ADAM19: variants seen among roughly 807,000 people sequenced by gnomAD.
The protein encoded by ADAM19 is disintegrin and metalloproteinase domain-containing protein 19.
Under a neutral mutation model 114.7 loss-of-function variants are expected in ADAM19, and 65 were observed. The ratio of observed to expected loss-of-function variants is 0.57; its 90% CI spans 0.46 to 0.70. The LOEUF is 0.70. Among genes scored for constraint, ADAM19 ranks in the 30% least tolerant of loss-of-function variants. ADAM19 has a pLI of 0.00. For missense variants in ADAM19, 1,063 were observed against 1,204.7 expected (o/e 0.88, Z 1.74); for synonymous variants, 466 against 460.5 (o/e 1.01, Z -0.15).
intron 1 of ADAM19, 93 bp from the exon 2 acceptor site, chr5:157,571,073 G>A: frequency 9.6e-7 from 1 of 1,042,514 alleles, no homozygotes; most frequent in South Asian, 1.5e-5. Context: ...CCCTGCACTG[G>A]GTCATTAGAA....
At chr5:157,488,532 C>T in intron 20 of ADAM19, 43 bp from the exon 21 acceptor site, 1 of 1,469,730 alleles carries the variant, frequency 6.8e-7, no homozygotes, top group Non-Finnish European at 9.2e-7. Context: ...AGAAATCACT[C>T]AGGGCTGGCC....
intron 3 of ADAM19, among the ~76,000 whole-genome samples, chr5:157,552,891 G>A (rs559454034): frequency 6.6e-6 from 1 of 152,188 alleles, no homozygotes; most frequent in African/African-American, 2.4e-5. Context: ...CAACAACATG[G>A]ATGGAACTGG....
intron 4 of ADAM19, 55 bp from the exon 5 acceptor site, chr5:157,530,938 G>A (rs1427449950): frequency 1.4e-6 from 2 of 1,454,150 alleles, no homozygotes; most frequent in Non-Finnish European, 1.9e-6. Context: ...GCATGGCAAT[G>A]TTAATATCTC....
At chr5:157,485,736 C>T (rs776278922) in intron 21 of ADAM19, among the ~76,000 whole-genome samples, 1 of 152,212 alleles carries the variant, frequency 6.6e-6, no homozygotes, top group African/African-American at 2.4e-5. Flanking sequence ...GCTCCTTCAT[C>T]ACTTGCCCTC....
chr5:157,538,047 A>G, intron 3 of ADAM19, 56 bp from the exon 4 acceptor site: 3 of 1,395,648 alleles, frequency 2.1e-6, no homozygotes, highest in Non-Finnish European at 3.0e-6. Flanking sequence ...CCACCCTCCT[A>G]GCAACAACGA....
intron 1 of ADAM19, 100 bp downstream of exon 1, chr5:157,575,503 G>A (rs1014822783): frequency 1.1e-6 from 1 of 871,992 alleles, no homozygotes; most frequent in Non-Finnish European, 1.6e-6. Context: ...GCGGAGTTGC[G>A]GGAGGCGCAG....
At chr5:157,528,514 G>A (rs1004702651) in intron 5 of ADAM19, among the ~76,000 whole-genome samples, 5 of 152,312 alleles carry the variant, frequency 3.3e-5, no homozygotes, top group South Asian at 2.1e-4. Context: ...ATACCACTGC[G>A]AGGCCAGTTA....
chr5:157,532,299 G>A (rs1756647984), intron 4 of ADAM19, among the ~76,000 whole-genome samples: 1 of 152,228 alleles, frequency 6.6e-6, no homozygotes, highest in African/African-American at 2.4e-5. Context: ...TCTTGTGAGA[G>A]GCAGTCATTA....
At chr5:157,506,106 C>G (rs1755733581) in intron 10 of ADAM19, among the ~76,000 whole-genome samples, 1 of 152,166 alleles carries the variant, frequency 6.6e-6, no homozygotes, top group South Asian at 2.1e-4. Flanking sequence ...GAAGATTTTT[C>G]CCCATTCTTC....
chr5:157,553,691 T>C (rs971805883), intron 3 of ADAM19, among the ~76,000 whole-genome samples: 1 of 152,216 alleles, frequency 6.6e-6, no homozygotes, highest in Admixed American at 6.5e-5. Flanking sequence ...ACAATCCTAT[T>C]GCTAGGATTA....
At chr5:157,500,300 C>A (rs1755520352) in intron 12 of ADAM19, among the ~76,000 whole-genome samples, 1 of 152,160 alleles carries the variant, frequency 6.6e-6, no homozygotes, top group Non-Finnish European at 1.5e-5. Flanking sequence ...CCATGCCCCG[C>A]TAGGACACAG....
chr5:157,568,453 A>G (rs1276291189), intron 2 of ADAM19: 1 of 152,216 alleles, frequency 6.6e-6, no homozygotes, highest in Non-Finnish European at 1.5e-5. Flanking sequence ...TCTACTGATG[A>G]GCTTTTCTGA....
At chr5:157,508,095 T>C (rs999390827) in intron 9 of ADAM19, among the ~76,000 whole-genome samples, 4 of 152,252 alleles carry the variant, frequency 2.6e-5, no homozygotes, top group Non-Finnish European at 5.9e-5. Context: ...CAAAGAAATA[T>C]GCAAAATCTA....
At chr5:157,532,750 C>A (rs771725962) in intron 4 of ADAM19, among the ~76,000 whole-genome samples, 1 of 152,158 alleles carries the variant, frequency 6.6e-6, no homozygotes, top group Non-Finnish European at 1.5e-5. Context: ...AATCAGCTAC[C>A]CCGTGTGTCT....
intron 21 of ADAM19, among the ~76,000 whole-genome samples, chr5:157,484,852 C>A (rs950444890): frequency 6.6e-6 from 1 of 152,218 alleles, no homozygotes; most frequent in Non-Finnish European, 1.5e-5. Context: ...CCCAAGGGAG[C>A]TGTGCAAATG....
chr5:157,575,495 G>C (rs2113807572), intron 1 of ADAM19, 108 bp downstream of exon 1: 1 of 761,722 alleles, frequency 1.3e-6, no homozygotes, highest in East Asian at 3.4e-5. Flanking sequence ...CAGGCCCCGC[G>C]GAGTTGCGGG....
chr5:157,503,849 C>A (rs1418687171), intron 11 of ADAM19, among the ~76,000 whole-genome samples: 1 of 152,214 alleles, frequency 6.6e-6, no homozygotes, highest in Non-Finnish European at 1.5e-5. Flanking sequence ...CCAAACTCAA[C>A]CAGCCAACTC....
chr5:157,483,333 G>A (rs779802579), intron 21 of ADAM19, among the ~76,000 whole-genome samples: 1 of 152,100 alleles, frequency 6.6e-6, no homozygotes, highest in Non-Finnish European at 1.5e-5. Context: ...AGCACTGTTT[G>A]TAACAGCAAA....
At chr5:157,552,614 G>A (rs552670107) in intron 3 of ADAM19, among the ~76,000 whole-genome samples, 1 of 150,612 alleles carries the variant, frequency 6.6e-6, no homozygotes, top group South Asian at 2.1e-4. Context: ...GGGAGGTGGA[G>A]GTTGCAGTGA....
Sources: gnomAD v4.1 joint callset for allele counts (sites outside exome capture counted in the v4.1 genomes callset) on GRCh38, gnomAD v4.1.1 for gene constraint, MANE v1.5 for transcripts, NCBI Gene and HGNC (gene_info 2026-07-23, HGNC 2026-07-21) for gene names.